The following DAPK1 variants were observed in gnomAD, a reference collection of about 807,000 sequenced individuals.
The protein encoded by DAPK1 is death-associated protein kinase 1.
DAPK1 carries 56 observed loss-of-function variants against 144.9 expected under a neutral mutation model. The ratio of observed to expected loss-of-function variants is 0.39; its 90% CI spans 0.31 to 0.48. The LOEUF (loss-of-function observed/expected upper bound fraction) is 0.48. Among genes scored for constraint, DAPK1 ranks in the 20% least tolerant of loss-of-function variants. The probability of loss-of-function intolerance (pLI) is 0.95; values close to 1 mark genes in which losing one functional copy is unlikely to be tolerated. For missense variants in DAPK1, 1,454 were observed against 1,875.4 expected, an observed-to-expected ratio of 0.78 and a Z score of 4.15; for synonymous variants, 690 against 749.0, an observed-to-expected ratio of 0.92 and a Z score of 1.29.
In DAPK1 at chr9:87,707,375, T is replaced by G. The variant is rs749462606; in HGVS notation, c.*11T>G. 1.9e-6 allele frequency: 3 copies of G among 1,575,622 alleles called. No individual in the cohort carries two copies. The South Asian group carries it at 3.5e-5, about 18-fold the overall frequency. ...GTTGTATCCCGGTGAGGGCAGCCTC[T>G]GGCTTGGGCAGGGTCTGTTTGGACT... On this transcript the variant is annotated 3_prime_UTR_variant, in exon 26 of 26. Transcript: ENST00000408954. This position sits in a 1 kb window ranked among gnomAD's most constrained non-coding sequence, Gnocchi z 4.0.
At chr9:87,548,913 C>CTTTTTTTTTTTT (rs11291160) in intron 2 of DAPK1, among the ~76,000 whole-genome samples, 1 of 63,868 alleles carries the variant, frequency 1.6e-5, no homozygotes, top group Non-Finnish European at 2.6e-5. Flanking sequence ...GATTTCATTC[C>CTTTTTTTTTTTT]TTTTTTTTTT....
intron 2 of DAPK1, among the ~76,000 whole-genome samples, chr9:87,555,513 T>A (rs868385864): frequency 6.6e-6 from 1 of 152,110 alleles, no homozygotes; most frequent in Non-Finnish European, 1.5e-5. Flanking sequence ...GTTATTTTTT[T>A]TTTTTTTGAG....
chr9:87,578,093 C>T (rs1827627878), intron 2 of DAPK1, among the ~76,000 whole-genome samples: 1 of 152,168 alleles, frequency 6.6e-6, no homozygotes, highest in Non-Finnish European at 1.5e-5. Context: ...AAATGTAACT[C>T]ATGCTCATGT....
rs567088396 is a variant in DAPK1 at position 87,619,315 on chromosome 9, G to A, written c.284+14140G>A. On this transcript the variant is annotated intron_variant, in intron 3 of 25. Coordinates refer to ENST00000408954, the MANE Select transcript of DAPK1 (RefSeq NM_004938.4). The stretch of plus-strand genomic sequence containing the variant: ...CTGCAGTGGACTGTGAGCTTCCTGA[G>A]GATGTGCCAGTATTTTACTGATTTA... 2.0e-3 allele frequency among the ~76,000 whole-genome samples: 312 copies of A among 152,276 alleles called. 1 individual carries two copies. The highest frequency in any genetic ancestry group is 2.1e-3 in the South Asian group (10 of 4,822).
chr9:87,525,200 A>G (rs1825448447), intron 2 of DAPK1: 5 of 816,500 alleles, frequency 6.1e-6, no homozygotes, highest in Non-Finnish European at 1.0e-5. Context: ...GAGTACCAGA[A>G]CTTTCTGCGT....
chr9:87,498,107 G>A lies in DAPK1; in HGVS notation c.-109G>A, dbSNP rs764840033. The A allele has an allele frequency of 2.9e-4, 116 of 397,588 alleles. No individual in the cohort carries two copies. In the Middle Eastern group the frequency reaches 3.1e-3, roughly 11 times the overall value. The allele number at this position is 397,588 out of a possible 1,614,324, so 24.6% of individuals were successfully genotyped here. A position where few individuals can be genotyped will look rare whatever the true frequency, so the allele number is the denominator to read the frequency against. ...GACCGGGGGAGCTCCCAGGCGCCCG[G>A]GTGAGTAGCCAGGCGCGGCTCCCCG... On this transcript the variant is annotated splice_region_variant and 5_prime_UTR_variant, in exon 1 of 26. Transcript: ENST00000408954.
At chr9:87,687,962 A>G (rs1212781157) in intron 21 of DAPK1, among the ~76,000 whole-genome samples, 1 of 152,138 alleles carries the variant, frequency 6.6e-6, no homozygotes, top group African/African-American at 2.4e-5. Flanking sequence ...AGAAATTTCT[A>G]TGCAGGTTCT....
chr9:87,655,720 G>A (rs1034102338), intron 17 of DAPK1, among the ~76,000 whole-genome samples: 6 of 152,212 alleles, frequency 3.9e-5, no homozygotes, highest in South Asian at 2.1e-4. Flanking sequence ...GAGAGTGGCC[G>A]TTTAACTTGC....
intron 2 of DAPK1, among the ~76,000 whole-genome samples, chr9:87,578,195 A>G (rs1827630951): frequency 6.6e-6 from 1 of 152,120 alleles, no homozygotes; most frequent in East Asian, 1.9e-4. Context: ...AAATGTTAAC[A>G]TTTTGCTGTA....
Position 87,639,349 on chromosome 9 carries a change from T to C in DAPK1, c.424-5T>C. On this transcript the variant is annotated splice_polypyrimidine_tract_variant and splice_region_variant and intron_variant, in intron 4 of 25. Coordinates refer to ENST00000408954, the MANE Select transcript of DAPK1 (RefSeq NM_004938.4). ...CTTTTTATTTATCTCTCTCTTTTTT[T>C]CAAGCCTGAGAACATAATGCTTTTG... is the stretch of plus-strand genomic sequence containing the variant. 6.3e-7 allele frequency: 1 copy of C among 1,591,476 alleles called. No individual in the cohort carries two copies. The highest frequency in any genetic ancestry group is 8.5e-7 in the Non-Finnish European group (1 of 1,173,748).
chr9:87,534,787 G>A (rs936198235), intron 2 of DAPK1, among the ~76,000 whole-genome samples: 1 of 151,872 alleles, frequency 6.6e-6, no homozygotes, highest in Admixed American at 6.6e-5. Flanking sequence ...TGTGATTATA[G>A]GCACGTGCCA....
At chr9:87,546,292 T>G (rs1826247501) in intron 2 of DAPK1, among the ~76,000 whole-genome samples, 1 of 151,128 alleles carries the variant, frequency 6.6e-6, no homozygotes, top group African/African-American at 2.4e-5. Flanking sequence ...GCAGTGGGAG[T>G]GAGGGGAAAA....
At position 87,651,580 on chromosome 9, in the gene DAPK1, C is replaced by G. The variant is rs1830443924; in HGVS notation, c.1680C>G (p.Ile560Met). 3 of 1,614,152 alleles carry G rather than the reference C, an allele frequency of 1.9e-6. No individual in the cohort carries two copies. In the East Asian group the frequency reaches 6.7e-5, roughly 36 times the overall value. Reference sequence around the variant, plus strand: ...TAAGACGGTGTCAGATGGAGGTAATCAAGACTCTCCTCAGCCAAGGGTGTT... The same window carrying G: ...TAAGACGGTGTCAGATGGAGGTAATGAAGACTCTCCTCAGCCAAGGGTGTT... ...LAVRRCQMEV[I>M]KTLLSQGCFV... Residue 560 changes from isoleucine (I) to methionine (M), a missense_variant, in exon 17 of 26, where the codon ATC becomes ATG. This residue lies in a region of DAPK1 where 1,025 missense variants were observed against 1,237.9 expected (regional missense o/e 0.83). Coordinates refer to ENST00000408954, the MANE Select transcript of DAPK1 (RefSeq NM_004938.4).
intron 2 of DAPK1, among the ~76,000 whole-genome samples, chr9:87,597,138 G>C (rs1391870429): frequency 6.6e-6 from 1 of 152,220 alleles, no homozygotes; most frequent in African/African-American, 2.4e-5. Context: ...GGAAGTTCCA[G>C]GATCACTTCT....
At chr9:87,525,760 C>T (rs1825484622) in intron 2 of DAPK1, among the ~76,000 whole-genome samples, 1 of 152,142 alleles carries the variant, frequency 6.6e-6, no homozygotes, top group Non-Finnish European at 1.5e-5. Context: ...TCGCACCCAG[C>T]ATGGGGCAGG....
intron 2 of DAPK1, among the ~76,000 whole-genome samples, chr9:87,534,396 C>G (rs751761122): frequency 8.6e-5 from 13 of 151,870 alleles, no homozygotes; most frequent in Non-Finnish European, 1.8e-4. Context: ...CTTCGAAGGC[C>G]CTACATACAA....
intron 23 of DAPK1, 88 bp downstream of exon 23, chr9:87,698,882 C>A: frequency 1.3e-6 from 1 of 774,924 alleles, no homozygotes; most frequent in African/African-American, 1.7e-5. Flanking sequence ...CAAAGGAAGT[C>A]TCATGAACCA....
intron 2 of DAPK1, among the ~76,000 whole-genome samples, chr9:87,511,190 G>A (rs1824827432): frequency 6.6e-6 from 1 of 152,150 alleles, no homozygotes; most frequent in South Asian, 2.1e-4. Context: ...TGCCAAGTTT[G>A]CCTTTGCTTG....
chr9:87,497,308 C>T (rs1824201847), upstream of DAPK1: 1 of 152,252 alleles, frequency 6.6e-6, no homozygotes, highest in African/African-American at 2.4e-5. Flanking sequence ...ATGAGGTACG[C>T]TCCCTTCCTG....
Sources: allele counts gnomAD v4.1 joint callset (sites outside exome capture counted in the v4.1 genomes callset), GRCh38; gene constraint gnomAD v4.1.1; regional missense constraint gnomAD v4.1.1; non-coding constraint Gnocchi (gnomAD v3.1); transcripts MANE v1.5; gene names NCBI Gene and HGNC (gene_info 2026-07-23, HGNC 2026-07-21).